Variants in ZNF114 observed in about 807,000 individuals in gnomAD.
ZNF114 encodes zinc finger protein 114, also known as zinc finger protein 114 (Y18).
In ZNF114, 8 loss-of-function variants were observed where a neutral mutation model predicts 6.8. That is an observed-to-expected ratio of 1.18 (90% CI 0.69 to 2.13). The LOEUF is 2.13. Ranked by LOEUF, ZNF114 falls within the 30% of genes most tolerant of loss-of-function variation. The pLI is 0.00. For missense variants in ZNF114, 472 were observed against 519.5 expected (o/e 0.91, Z 0.89); for synonymous variants, 169 against 185.5 (o/e 0.91, Z 0.72).
At chr19:48,281,894 CTTTT>C (rs869238604) in intron 4 of ZNF114, among the ~76,000 whole-genome samples, 3,527 of 90,468 alleles carry the variant, frequency 0.039, 88 homozygotes, top group Middle Eastern at 0.21. Flanking sequence ...ACAACCTCAT[CTTTT>C]TTTTTTTTTT....
At chr19:48,272,999 G>A (rs1384407943) in intron 3 of ZNF114, among the ~76,000 whole-genome samples, 2 of 152,062 alleles carry the variant, frequency 1.3e-5, no homozygotes, top group Non-Finnish European at 2.9e-5. Flanking sequence ...GTTTCACCGC[G>A]TTAGCCAGGA....
At chr19:48,278,604 C>T (rs1967908917) in intron 3 of ZNF114, among the ~76,000 whole-genome samples, 1 of 152,082 alleles carries the variant, frequency 6.6e-6, no homozygotes, top group African/African-American at 2.4e-5. Context: ...TTTCTTTGTT[C>T]ATGCATTGAT....
intron 3 of ZNF114, among the ~76,000 whole-genome samples, chr19:48,278,147 G>C (rs1455032501): frequency 1.3e-5 from 2 of 152,128 alleles, no homozygotes; most frequent in African/African-American, 4.8e-5. Context: ...TGTTGGCCAG[G>C]ATGGTCTCAA....
chr19:48,286,350 T>A lies in ZNF114; in HGVS notation c.726T>A (p.His242Gln). Residue 242 changes from histidine (H) to glutamine (Q), a missense_variant, in exon 6 of 6, where the codon CAT becomes CAA. Physicochemically the swap from His to Gln is conservative, Grantham distance 24. Transcript: ENST00000595607. ...EDGSLRAHNT[H>Q]GREKMYDFTQ... ...GATCCCTTAGGGCACACAACACTCA[T>A]GGTCGAGAGAAAATGTATGATTTTA... The A allele has an allele frequency of 6.2e-7, 1 of 1,614,180 alleles. No homozygotes were observed. Among genetic ancestry groups the A allele is most frequent in the Non-Finnish European group, 8.5e-7 (1 of 1,180,044 alleles).
At chr19:48,282,276 A>G in intron 4 of ZNF114, 95 bp from the exon 5 acceptor site, 3 of 1,532,130 alleles carry the variant, frequency 2.0e-6, no homozygotes, top group South Asian at 2.4e-5. Context: ...ACCAAGGGTT[A>G]AGACCTCAAC....
At chr19:48,280,568 T>TC (rs1261889186) in intron 4 of ZNF114, among the ~76,000 whole-genome samples, 1 of 145,856 alleles carries the variant, frequency 6.9e-6, no homozygotes, top group Non-Finnish European at 1.5e-5. Context: ...TTTTTTTTTT[T>TC]TGAGACGGAG....
chr19:48,273,221 T>C (rs1334857909), intron 3 of ZNF114, among the ~76,000 whole-genome samples: 2 of 152,188 alleles, frequency 1.3e-5, no homozygotes, highest in African/African-American at 4.8e-5. Context: ...GGTGTCAGGA[T>C]CAAACCCCAC....
chr19:48,270,369 AG>A lies in ZNF114; in HGVS notation c.-377+152del, dbSNP rs386810026. 7.8e-3 allele frequency: 1,140 copies of A among 146,190 alleles called. 16 individuals are homozygous for A. The highest frequency in any genetic ancestry group is 0.025 in the African/African-American group (979 of 39,944). 9.1% of individuals were successfully genotyped at this position (146,190 alleles called of 1,614,324 possible). A position where few individuals can be genotyped will look rare whatever the true frequency, so the allele number is the denominator to read the frequency against. On this transcript the variant is annotated intron_variant, in intron 1 of 5. Transcript: ENST00000595607. Reference sequence around the variant, plus strand: ...ATTGCGCCACTGCACTCCAGCCTGAAGGACAGAGCAAGAACTTGTCTCAGAA... The same window carrying A: ...ATTGCGCCACTGCACTCCAGCCTGAAGACAGAGCAAGAACTTGTCTCAGAA...
At chr19:48,272,222 C>T (rs1045407312) in intron 3 of ZNF114, among the ~76,000 whole-genome samples, 4 of 152,000 alleles carry the variant, frequency 2.6e-5, no homozygotes, top group African/African-American at 9.7e-5. Context: ...ACCAGCCTGG[C>T]CAACATGGTG....
Position 48,279,773 on chromosome 19 carries a change from G to A in ZNF114, c.-27G>A, listed in dbSNP as rs200265437. On this transcript the variant is annotated 5_prime_UTR_variant, in exon 4 of 6. Coordinates refer to ENST00000595607, the MANE Select transcript of ZNF114 (RefSeq NM_153608.4). ...CCTTGAAGGAAACACGGGGAAGCCA[G>A]GACTGGCCGTCACGTTGGTGACAAA... 5.7e-5 allele frequency: 92 copies of A among 1,613,984 alleles called. No individual in the cohort carries two copies. In the African/African-American group the frequency reaches 7.5e-4, roughly 13 times the overall value.
chr19:48,275,791 G>C (rs1366273424), intron 3 of ZNF114, among the ~76,000 whole-genome samples: 1 of 151,844 alleles, frequency 6.6e-6, no homozygotes, highest in African/African-American at 2.4e-5. Flanking sequence ...TCAGGAGATC[G>C]AGACCACGGT....
chr19:48,283,734 G>GT (rs71334285), intron 5 of ZNF114, among the ~76,000 whole-genome samples: 26,531 of 147,982 alleles, frequency 0.18, 2,474 homozygotes, highest in Non-Finnish European at 0.22. Context: ...TGGGGTTTTT[G>GT]TTTTTTTTTT....
chr19:48,283,723 C>T (rs1600845682), intron 5 of ZNF114, among the ~76,000 whole-genome samples: 1 of 146,898 alleles, frequency 6.8e-6, no homozygotes, highest in East Asian at 2.0e-4. Context: ...CTGGGGGGTT[C>T]TGGGGTTTTT....
intron 5 of ZNF114, among the ~76,000 whole-genome samples, chr19:48,284,056 G>A (rs550279517): frequency 6.6e-6 from 1 of 152,188 alleles, no homozygotes; most frequent in South Asian, 2.1e-4. Context: ...TGGAGGATAA[G>A]GGACTGGAGA....
intron 4 of ZNF114, 49 bp downstream of exon 4, chr19:48,279,857 A>C (rs1313254130): frequency 6.2e-7 from 1 of 1,613,354 alleles, no homozygotes; most frequent in Admixed American, 1.7e-5. Context: ...CGTTCCCACG[A>C]GTCAATGTGC....
chr19:48,286,791 A>G lies in ZNF114; in HGVS notation c.1167A>G (p.Lys389=), dbSNP rs1256163492. ...IRSHTGEKPY[K]CKTCGKDFAK... Reference sequence around the variant, plus strand: ...GCCACACTGGAGAGAAACCCTATAAATGTAAGACATGTGGAAAAGACTTTG... The same window carrying G: ...GCCACACTGGAGAGAAACCCTATAAGTGTAAGACATGTGGAAAAGACTTTG... The change falls in exon 6 of 6, where the codon AAA becomes AAG. Residue 389 remains lysine (K), a synonymous_variant. Coordinates refer to ENST00000595607, the MANE Select transcript of ZNF114 (RefSeq NM_153608.4). 1 of 1,609,002 alleles carries G rather than the reference A, an allele frequency of 6.2e-7. No homozygotes were observed. The highest frequency in any genetic ancestry group is 2.2e-5 in the East Asian group (1 of 44,862).
Position 48,282,504 on chromosome 19 carries a change from A to G in ZNF114, c.136+7A>G, listed in dbSNP as rs772284799. ...AGGAACTTGGCATTCATAGGTAAGG[A>G]GGCCCCCTTCCTGCACTTAGTCCGT... On this transcript the variant is annotated splice_region_variant and intron_variant, in intron 5 of 5. Coordinates refer to ENST00000595607, the MANE Select transcript of ZNF114 (RefSeq NM_153608.4). 1 of 1,607,674 alleles carries G rather than the reference A, an allele frequency of 6.2e-7. No homozygotes were observed. Among genetic ancestry groups the G allele is most frequent in the South Asian group, 1.1e-5 (1 of 90,786 alleles).
intron 3 of ZNF114, among the ~76,000 whole-genome samples, chr19:48,275,168 G>A (rs989282681): frequency 7.0e-6 from 1 of 143,110 alleles, no homozygotes. Flanking sequence ...GAGAAAGAGA[G>A]AGAGGAAGAG....
chr19:48,273,753 TTTTC>T (rs1230418386), intron 3 of ZNF114, among the ~76,000 whole-genome samples: 1 of 129,818 alleles, frequency 7.7e-6, no homozygotes, highest in African/African-American at 2.7e-5. Context: ...ACAGTGGGGC[TTTTC>T]TTTTTTTTTT....
Sources: allele counts gnomAD v4.1 joint callset (sites outside exome capture counted in the v4.1 genomes callset), GRCh38; gene constraint gnomAD v4.1.1; transcripts MANE v1.5; gene names NCBI Gene and HGNC (gene_info 2026-07-23, HGNC 2026-07-21).